Variants in DCUN1D4 observed in about 807,000 individuals in gnomAD.
The protein encoded by DCUN1D4 is defective in cullin neddylation 1 domain containing 4.
Under a neutral mutation model 47.9 loss-of-function variants are expected in DCUN1D4, and 22 were observed. The observed-to-expected ratio is 0.46, with a 90% CI of 0.33 to 0.66. The LOEUF (loss-of-function observed/expected upper bound fraction) is 0.66. DCUN1D4 is among the 30% of genes least tolerant of loss of function. DCUN1D4 has a pLI of 0.02. For synonymous variants in DCUN1D4, 121 were observed against 112.2 expected, an observed-to-expected ratio of 1.08 and a Z score of -0.50; for missense variants, 301 against 340.8, an observed-to-expected ratio of 0.88 and a Z score of 0.92.
At chr4:51,858,603 T>G (rs186195376) in intron 1 of DCUN1D4, among the ~76,000 whole-genome samples, 1 of 152,388 alleles carries the variant, frequency 6.6e-6, no homozygotes, top group Admixed American at 6.5e-5. Flanking sequence ...TTATTATGTC[T>G]TCTCCATTGA....
At chr4:51,878,086 A>G in intron 5 of DCUN1D4, 1 of 271,046 alleles carries the variant, frequency 3.7e-6, no homozygotes, top group Non-Finnish European at 6.9e-6. Context: ...AAAAGATGAA[A>G]TGACTTGGGA....
chr4:51,892,737 A>G (rs1560502903), intron 7 of DCUN1D4, among the ~76,000 whole-genome samples: 1 of 152,192 alleles, frequency 6.6e-6, no homozygotes, highest in Admixed American at 6.5e-5. Flanking sequence ...GTCATTCTAT[A>G]TTAGGCCTTG....
chr4:51,850,555 T>C (rs573480666), intron 1 of DCUN1D4, among the ~76,000 whole-genome samples: 224 of 152,346 alleles, frequency 1.5e-3, no homozygotes, highest in African/African-American at 5.3e-3. Flanking sequence ...AAAAATTGCC[T>C]GTTGAAGGCT....
chr4:51,889,590 A>G (rs542906332), intron 6 of DCUN1D4, among the ~76,000 whole-genome samples: 1 of 151,586 alleles, frequency 6.6e-6, no homozygotes, highest in South Asian at 2.1e-4. Context: ...TTGCACCCTC[A>G]CCATTTTTTT....
chr4:51,850,657 G>A (rs563968338), intron 1 of DCUN1D4, among the ~76,000 whole-genome samples: 6 of 151,948 alleles, frequency 3.9e-5, no homozygotes, highest in Non-Finnish European at 7.4e-5. Context: ...TAGGGGAGGG[G>A]GCAGATAGTA....
At chr4:51,869,106 A>G (rs1430497802) in intron 3 of DCUN1D4, among the ~76,000 whole-genome samples, 1 of 128,534 alleles carries the variant, frequency 7.8e-6, no homozygotes, top group East Asian at 2.6e-4. Context: ...CCTAGGCTAC[A>G]GAGGGAGACT....
At chr4:51,895,548 G>T (rs1731113582) in intron 7 of DCUN1D4, among the ~76,000 whole-genome samples, 1 of 112,848 alleles carries the variant, frequency 8.9e-6, no homozygotes, top group South Asian at 3.4e-4. Flanking sequence ...GCTAATTGTG[G>T]TGCTTAAACT....
At chr4:51,863,760 G>C in intron 3 of DCUN1D4, 51 bp downstream of exon 3, 1 of 1,546,274 alleles carries the variant, frequency 6.5e-7, no homozygotes, top group Non-Finnish European at 8.9e-7. Flanking sequence ...CTTAATATTA[G>C]GAAAGAGAAA....
intron 3 of DCUN1D4, among the ~76,000 whole-genome samples, chr4:51,872,367 T>C (rs1301258946): frequency 8.5e-5 from 13 of 152,200 alleles, no homozygotes; most frequent in Admixed American, 2.0e-4. Context: ...TGGAAAGAGC[T>C]GTTCACATTC....
At position 51,863,218 on chromosome 4, in the gene DCUN1D4, C is replaced by A. The variant is rs563289458; in HGVS notation, c.26-219C>A. Among the ~76,000 whole-genome samples the A allele has an allele frequency of 1.5e-3, 225 of 152,206 alleles. 2 individuals are homozygous for A. The highest frequency in any genetic ancestry group is 5.0e-3 in the African/African-American group (209 of 41,544). On this transcript the variant is annotated intron_variant, in intron 1 of 10. Transcript: ENST00000334635. ...GTACTTTTTGTTTTACCTTAGAATT[C>A]ACATGAAAATTTCATGAACTTTAAC... is the stretch of plus-strand genomic sequence containing the variant.
At chr4:51,887,840 T>G (rs1729743745) in intron 6 of DCUN1D4, among the ~76,000 whole-genome samples, 1 of 152,160 alleles carries the variant, frequency 6.6e-6, no homozygotes, top group East Asian at 1.9e-4. Flanking sequence ...GCTTTAAATT[T>G]TCTAAAGAGC....
chr4:51,870,093 C>T (rs557547257), intron 3 of DCUN1D4, among the ~76,000 whole-genome samples: 2 of 152,236 alleles, frequency 1.3e-5, no homozygotes, highest in Non-Finnish European at 2.9e-5. Flanking sequence ...CCTCTGATGC[C>T]AGATGTTCGT....
At chr4:51,844,276 T>A in intron 1 of DCUN1D4, 1 of 915,398 alleles carries the variant, frequency 1.1e-6, no homozygotes, top group African/African-American at 2.5e-5. Context: ...CAGGGTCCCT[T>A]GAAGGGGGGA....
Position 51,913,700 on chromosome 4 carries a change from C to T in DCUN1D4, c.*116C>T, listed in dbSNP as rs1456451337. 5.3e-6 allele frequency: 5 copies of T among 935,154 alleles called. No individual in the cohort carries two copies. Among genetic ancestry groups the T allele is most frequent in the Admixed American group, 3.9e-5 (2 of 51,856 alleles). 57.9% of individuals were successfully genotyped at this position (935,154 alleles called of 1,614,324 possible). On this transcript the variant is annotated 3_prime_UTR_variant, in exon 11 of 11. Transcript: ENST00000334635. Reference sequence around the variant, plus strand: ...CTTCTCTTGCACTGTTTCCCTTTCGCAGGGACATGTTGGTGTTTGCTATTG... The same window carrying T: ...CTTCTCTTGCACTGTTTCCCTTTCGTAGGGACATGTTGGTGTTTGCTATTG...
chr4:51,894,215 G>C lies in DCUN1D4; in HGVS notation c.506+2364G>C, dbSNP rs115424532. Among the ~76,000 whole-genome samples, 431 of 152,252 alleles carry C rather than the reference G, an allele frequency of 2.8e-3. 3 individuals are homozygous for C. Among genetic ancestry groups the C allele is most frequent in the African/African-American group, 9.7e-3 (403 of 41,542 alleles). On this transcript the variant is annotated intron_variant, in intron 7 of 10. Transcript: ENST00000334635. ...TTTTGTGGTATGAAACTCTGAAGTTGATGTCCTCATCAGTGAGGTGGAGAT... is the reference window on the plus strand; with the variant it reads ...TTTTGTGGTATGAAACTCTGAAGTTCATGTCCTCATCAGTGAGGTGGAGAT...
intron 3 of DCUN1D4, among the ~76,000 whole-genome samples, chr4:51,870,191 AT>A (rs1279100986): frequency 4.0e-5 from 6 of 151,330 alleles, no homozygotes; most frequent in African/African-American, 7.3e-5. Context: ...TATTATTTGT[AT>A]TTTTTTTTGT....
At position 51,897,876 on chromosome 4, in the gene DCUN1D4, C is replaced by T. The variant is rs117304923; in HGVS notation, c.507-1394C>T. Among the ~76,000 whole-genome samples, 12 of 152,268 alleles carry T rather than the reference C, an allele frequency of 7.9e-5. No individual in the cohort carries two copies. In the East Asian group the frequency reaches 9.7e-4, roughly 12 times the overall value. Reference sequence around the variant, plus strand: ...ACAGATTATAACACACTGAATTAGACGCAAAAAATCCTAAGTCCAGAAAAT... The same window carrying T: ...ACAGATTATAACACACTGAATTAGATGCAAAAAATCCTAAGTCCAGAAAAT... On this transcript the variant is annotated intron_variant, in intron 7 of 10. Transcript: ENST00000334635.
At chr4:51,859,432 A>G (rs970697676) in intron 1 of DCUN1D4, among the ~76,000 whole-genome samples, 5 of 151,994 alleles carry the variant, frequency 3.3e-5, no homozygotes, top group African/African-American at 9.7e-5. Flanking sequence ...ATGAGAGTAA[A>G]CTATTAGGAC....
chr4:51,834,337 C>T, the DCUN1D4 span, among the ~76,000 whole-genome samples: 27 of 151,550 alleles, frequency 1.8e-4, no homozygotes, highest in South Asian at 4.0e-3. Flanking sequence ...GTCTATACTT[C>T]GTATGTGTGC....
Sources: allele counts gnomAD v4.1 joint callset (sites outside exome capture counted in the v4.1 genomes callset), GRCh38; gene constraint gnomAD v4.1.1; transcripts MANE v1.5; gene names NCBI Gene and HGNC (gene_info 2026-07-23, HGNC 2026-07-21).